PARD6G: variants seen among roughly 807,000 people sequenced by gnomAD.
PARD6G encodes par-6 family cell polarity regulator gamma, also known as partitioning defective 6 homolog gamma.
A neutral mutation model predicts 10.7 loss-of-function variants in PARD6G; 7 were observed. The ratio of observed to expected loss-of-function variants is 0.66; its 90% confidence interval spans 0.37 to 1.23. PARD6G has a LOEUF of 1.23. Ranked by LOEUF, PARD6G falls within the 50% of genes most tolerant of loss-of-function variation. PARD6G has a pLI of 0.02. For synonymous variants in PARD6G, 287 were observed against 269.4 expected, an observed-to-expected ratio of 1.07 and a Z score of -0.64; for missense variants, 548 against 571.8, an observed-to-expected ratio of 0.96 and a Z score of 0.42.
At chr18:80,232,986 G>C (rs993910826) in intron 1 of PARD6G, among the ~76,000 whole-genome samples, 6 of 152,098 alleles carry the variant, frequency 3.9e-5, no homozygotes, top group Non-Finnish European at 1.5e-5. Context: ...CAGGGACCTG[G>C]GGCTGCTCAT....
chr18:80,175,166 G>A lies in PARD6G; in HGVS notation c.296-14560C>T, dbSNP rs2145256237. On this transcript the variant is annotated intron_variant, in intron 2 of 2. Coordinates refer to ENST00000353265, the MANE Select transcript of PARD6G (RefSeq NM_032510.4). This position sits in a 1 kb window ranked among gnomAD's most constrained non-coding sequence, Gnocchi z 6.7. ...AGTACACACTTCCCCAGACTATTTAGTGCAACTAACACATGCTAGATGGGA... is the reference window on the plus strand; with the variant it reads ...AGTACACACTTCCCCAGACTATTTAATGCAACTAACACATGCTAGATGGGA... Among the ~76,000 whole-genome samples, 1 of 152,246 alleles carries A rather than the reference G, an allele frequency of 6.6e-6. No homozygotes were observed.
intron 1 of PARD6G, among the ~76,000 whole-genome samples, chr18:80,214,390 C>T (rs551632085): frequency 1.1e-3 from 168 of 151,972 alleles, no homozygotes; most frequent in African/African-American, 2.8e-3. Flanking sequence ...GGCATGAACC[C>T]GGGAGGCGGA....
intron 2 of PARD6G, among the ~76,000 whole-genome samples, chr18:80,168,191 A>T (rs1020162100): frequency 6.6e-6 from 1 of 152,090 alleles, no homozygotes; most frequent in Non-Finnish European, 1.5e-5. Flanking sequence ...AGAACACACA[A>T]CCTCAGCCTG....
intron 2 of PARD6G, among the ~76,000 whole-genome samples, chr18:80,187,385 C>T (rs1284153426): frequency 6.6e-6 from 1 of 152,198 alleles, no homozygotes. Context: ...GTCCCTCAGG[C>T]TACACACGAG....
In PARD6G at chr18:80,199,014, C is replaced by T. The variant is rs577459252; in HGVS notation, c.295+3696G>A. On this transcript the variant is annotated intron_variant, in intron 2 of 2. Transcript: ENST00000353265. ...CTCCAGAAAGAAACCCCCTCCCTCC[C>T]AATTCTCCCCACCTCTCAGCCCCTG... is the stretch of plus-strand genomic sequence containing the variant. Among the ~76,000 whole-genome samples the T allele has an allele frequency of 5.3e-5, 8 of 152,346 alleles. No individual in the cohort carries two copies. In the South Asian group the frequency reaches 1.7e-3, roughly 32 times the overall value.
intron 1 of PARD6G, among the ~76,000 whole-genome samples, chr18:80,224,113 C>A (rs1967261064): frequency 6.6e-6 from 1 of 152,144 alleles, no homozygotes; most frequent in African/African-American, 2.4e-5. Flanking sequence ...AATTCAGAAA[C>A]CAAAACTGTA....
At chr18:80,237,823 T>C (rs188023561) in intron 1 of PARD6G, among the ~76,000 whole-genome samples, 28,997 of 151,884 alleles carry the variant, frequency 0.19, 3,755 homozygotes, top group African/African-American at 0.37. Flanking sequence ...GTTAGAATGG[T>C]GATCATTAAA....
At chr18:80,221,631 G>A (rs2145294604) in intron 1 of PARD6G, among the ~76,000 whole-genome samples, 1 of 152,138 alleles carries the variant, frequency 6.6e-6, no homozygotes, top group South Asian at 2.1e-4. Context: ...GATTTTCCCC[G>A]AGATCAACAA....
At chr18:80,177,632 T>A (rs2052822244) in intron 2 of PARD6G, among the ~76,000 whole-genome samples, 2 of 127,266 alleles carry the variant, frequency 1.6e-5, no homozygotes, top group Non-Finnish European at 1.6e-5. Context: ...TAAATCAAAG[T>A]CCAAATGGGA....
intron 2 of PARD6G, among the ~76,000 whole-genome samples, chr18:80,196,711 C>A (rs1442548781): frequency 6.6e-6 from 1 of 152,084 alleles, no homozygotes; most frequent in African/African-American, 2.4e-5. Context: ...CATGTGGGCG[C>A]CCTGGAGGAC....
intron 1 of PARD6G, among the ~76,000 whole-genome samples, chr18:80,216,660 A>T (rs545655040): frequency 6.6e-6 from 1 of 152,158 alleles, no homozygotes; most frequent in African/African-American, 2.4e-5. Context: ...ACCTATATTT[A>T]AAAAGAAAGA....
chr18:80,227,283 T>G (rs1177125879), intron 1 of PARD6G, among the ~76,000 whole-genome samples: 1 of 152,126 alleles, frequency 6.6e-6, no homozygotes, highest in African/African-American at 2.4e-5. Flanking sequence ...CTCTAGAATT[T>G]TATTAAACTG....
chr18:80,179,175 G>A (rs538816302), intron 2 of PARD6G, among the ~76,000 whole-genome samples: 156 of 152,034 alleles, frequency 1.0e-3, no homozygotes, highest in African/African-American at 3.7e-3. Context: ...CCCACGTGGT[G>A]TGGCCCACAG....
rs1221719114 is a variant in PARD6G, at chr18:80,159,962, G to T, written c.940C>A (p.Gln314Lys). Residue 314 changes from glutamine (Q) to lysine (K), a missense_variant, in exon 3 of 3, where the codon CAG becomes AAG. This residue lies in a region of PARD6G where 313 missense variants were observed against 279.9 expected (regional missense o/e 1.12). Coordinates refer to ENST00000353265, the MANE Select transcript of PARD6G (RefSeq NM_032510.4). ...CTGCCTGCGGGCGCGCCCGGGGTCT[G>T]GGGGGGACGTGCAGGCTCCAGTGTG... ...EGTLEPARPP[Q>K]TPGAPAGSLS... is the part of the protein sequence containing the mutation. 6.7e-7 allele frequency: 1 copy of T among 1,492,680 alleles called. No homozygotes were observed. The allele number at this position is 1,492,680 out of a possible 1,614,324, so 92.5% of individuals were successfully genotyped here.
chr18:80,233,384 A>T (rs1020766532), intron 1 of PARD6G, among the ~76,000 whole-genome samples: 5 of 152,060 alleles, frequency 3.3e-5, no homozygotes, highest in Non-Finnish European at 7.4e-5. Flanking sequence ...ACTCCCTCTC[A>T]TCCCTGCACC....
chr18:80,246,448 C>T lies in PARD6G; in HGVS notation c.72+829G>A, dbSNP rs73496417. ...GACCCGCAAGTTCGGGCACGCTCCGCCCGGGCGCAGGCAGCGGGAGGGGCC... is the reference window on the plus strand; with the variant it reads ...GACCCGCAAGTTCGGGCACGCTCCGTCCGGGCGCAGGCAGCGGGAGGGGCC... On this transcript the variant is annotated intron_variant, in intron 1 of 2. Coordinates refer to ENST00000353265, the MANE Select transcript of PARD6G (RefSeq NM_032510.4). The surrounding 1 kb of genome is among the most constrained non-coding windows in gnomAD (Gnocchi z 6.7). Among the ~76,000 whole-genome samples, 27,138 of 152,120 alleles carry T rather than the reference C, an allele frequency of 0.18. 3,117 individuals carry two copies. The highest frequency in any genetic ancestry group is 0.32 in the African/African-American group (13,313 of 41,482).
At chr18:80,229,678 A>G (rs1967336780) in intron 1 of PARD6G, among the ~76,000 whole-genome samples, 1 of 152,234 alleles carries the variant, frequency 6.6e-6, no homozygotes, top group Admixed American at 6.5e-5. Flanking sequence ...CAGAAGTTAG[A>G]CAGTAATCCA....
chr18:80,197,897 C>CCAGA (rs2145277450), intron 2 of PARD6G, among the ~76,000 whole-genome samples: 1 of 152,312 alleles, frequency 6.6e-6, no homozygotes, highest in East Asian at 1.9e-4. Flanking sequence ...AGACTCAAGT[C>CCAGA]CAGACCCTCT....
intron 1 of PARD6G, among the ~76,000 whole-genome samples, chr18:80,225,559 C>G (rs1054319205): frequency 5.3e-5 from 8 of 152,224 alleles, no homozygotes; most frequent in South Asian, 2.1e-4. Context: ...CTCACCTCCC[C>G]CTTCAGGCTG....
Sources: gnomAD v4.1 joint callset for allele counts (sites outside exome capture counted in the v4.1 genomes callset) on GRCh38, gnomAD v4.1.1 for gene constraint, gnomAD v4.1.1 regional missense constraint, Gnocchi (gnomAD v3.1) non-coding constraint, MANE v1.5 for transcripts, NCBI Gene and HGNC (gene_info 2026-07-23, HGNC 2026-07-21) for gene names.